The following MEFV variants were observed in gnomAD, a reference collection of about 807,000 sequenced individuals.
The protein encoded by MEFV is pyrin.
A neutral mutation model predicts 62.5 loss-of-function variants in MEFV; 60 were observed. The observed-to-expected ratio is 0.96, with a 90% CI of 0.78 to 1.19. MEFV has a LOEUF of 1.19. Ranked by LOEUF, MEFV falls within the 50% of genes most tolerant of loss-of-function variation. The pLI, the probability that MEFV is intolerant of heterozygous loss-of-function variation, is 0.00. For synonymous variants in MEFV, 500 were observed against 415.2 expected (o/e 1.20, Z -2.48); for missense variants, 1,169 against 1,004.5 (o/e 1.16, Z -2.21).
Position 3,249,840 on chromosome 16 carries a change from T to C in MEFV, c.911-60A>G. 3 of 1,380,692 alleles carry C rather than the reference T, an allele frequency of 2.2e-6. No homozygotes were observed. The Admixed American group carries it at 5.6e-5, about 26-fold the overall frequency. The allele number at this position is 1,380,692 out of a possible 1,614,324, so 85.5% of individuals were successfully genotyped here. A position where few individuals can be genotyped will look rare whatever the true frequency, so the allele number is the denominator to read the frequency against. On this transcript the variant is annotated intron_variant, in intron 2 of 9. Coordinates refer to ENST00000219596, the MANE Select transcript of MEFV (RefSeq NM_000243.3). Reference sequence around the variant, plus strand: ...CAAACCCAAGTTGCTTACACAGAGGTATCACAAAGCACAGCGGACACAGCC... The same window carrying C: ...CAAACCCAAGTTGCTTACACAGAGGCATCACAAAGCACAGCGGACACAGCC...
chr16:3,246,478 T>A (rs56260135), intron 6 of MEFV, 47 bp downstream of exon 6: 1 of 1,612,548 alleles, frequency 6.2e-7, no homozygotes, highest in Admixed American at 1.7e-5. Context: ...CTCCCCCATA[T>A]GCTTTCTGCA....
rs1959117312 is a variant in MEFV at position 3,256,462 on chromosome 16, C to G, written c.126G>C (p.Arg42=). 1 of 1,614,088 alleles carries G rather than the reference C, an allele frequency of 6.2e-7. No individual in the cohort carries two copies. ...CCGGCCTGGCTCTCTGGATCTGGCT[C>G]CGGGGGATCCTGGAGTGCTCCTTCT... ...SVQKEHSRIP[R]SQIQRARPVK... is the part of the protein sequence containing the mutation. The change falls in exon 1 of 10, where the codon CGG becomes CGC. Residue 42 remains arginine (R), a synonymous_variant. Transcript: ENST00000219596.
Position 3,254,586 on chromosome 16 carries a change from C to T in MEFV, c.482G>A (p.Arg161His), listed in dbSNP as rs374425680. The T allele has an allele frequency of 6.3e-7, 1 of 1,591,452 alleles. No individual in the cohort carries two copies. Among genetic ancestry groups the T allele is most frequent in the Non-Finnish European group, 8.5e-7 (1 of 1,172,290 alleles). Residue 161 changes from arginine (R) to histidine (H), a missense_variant, in exon 2 of 10, where the codon CGC becomes CAC. Physicochemically the swap from Arg to His is conservative, Grantham distance 29 (BLOSUM62 0). Coordinates refer to ENST00000219596, the MANE Select transcript of MEFV (RefSeq NM_000243.3). ...RGLSRKPLSKRREKASEGLDA... is the reference protein window; with the variant it reads ...RGLSRKPLSKHREKASEGLDA... ...CAGGCCCTCCGAGGCCTTCTCTCTG[C>T]GTTTGCTCAGGGGCTTCCTCGACAG... is the stretch of plus-strand genomic sequence containing the variant.
chr16:3,249,645 G>A lies in MEFV; in HGVS notation c.1046C>T (p.Ser349Leu), dbSNP rs983750259. Residue 349 changes from serine (S) to leucine (L), a missense_variant, in exon 3 of 10, where the codon TCA becomes TTA. Coordinates refer to ENST00000219596, the MANE Select transcript of MEFV (RefSeq NM_000243.3). ...GTCCTGGCACCGGGGGCAGCCAGGT[G>A]AGCGGCTGCCTGAGGCCTGGGGGTG... is the stretch of plus-strand genomic sequence containing the variant. ...SGHPQASGSR[S>L]PGCPRCQDSH... 3 of 1,613,810 alleles carry A rather than the reference G, an allele frequency of 1.9e-6. No individual in the cohort carries two copies. The highest frequency in any genetic ancestry group is 1.7e-6 in the Non-Finnish European group (2 of 1,179,852).
chr16:3,251,023 CAAAAAAAAAAAAA>C (rs58529756), intron 2 of MEFV, among the ~76,000 whole-genome samples: 1 of 49,408 alleles, frequency 2.0e-5, no homozygotes. Context: ...GACTCCATCT[CAAAAAAAAAAAAA>C]AAAAAAAAAA....
In MEFV at chr16:3,247,363, C is replaced by T. The variant is rs182874359; in HGVS notation, c.1357-117G>A. On this transcript the variant is annotated intron_variant, in intron 4 of 9. Transcript: ENST00000219596. ...GATAAGAGGTGGGCTTATGCTGCCTCTTCAAGGCCTAGATTCCAGAGCAGG... is the reference window on the plus strand; with the variant it reads ...GATAAGAGGTGGGCTTATGCTGCCTTTTCAAGGCCTAGATTCCAGAGCAGG... 71 of 776,834 alleles carry T rather than the reference C, an allele frequency of 9.1e-5. No individual in the cohort carries two copies. In the African/African-American group the frequency reaches 1.1e-3, roughly 12 times the overall value. 48.1% of individuals were successfully genotyped at this position (776,834 alleles called of 1,614,324 possible). A position where few individuals can be genotyped will look rare whatever the true frequency, so the allele number is the denominator to read the frequency against.
rs1423281684 is a variant in MEFV, at chr16:3,256,504, C to T, written c.84G>A (p.Leu28=). 1.9e-6 allele frequency: 3 copies of T among 1,614,204 alleles called. No individual in the cohort carries two copies. Among genetic ancestry groups the T allele is most frequent in the Non-Finnish European group, 1.7e-6 (2 of 1,180,046 alleles). The change falls in exon 1 of 10, where the codon CTG becomes CTA. Residue 28 remains leucine, a synonymous_variant. Transcript: ENST00000219596. ...GCTCCTTCTGCACACTGGTGTTCTG[C>T]AGCTTGAACTTGAACTTCTCGAAGT... ...PYDFEKFKFK[L]QNTSVQKEHS...
chr16:3,244,012 A>G (rs1958901861), intron 8 of MEFV, 120 bp from the exon 9 acceptor site: 1 of 1,558,154 alleles, frequency 6.4e-7, no homozygotes, highest in South Asian at 1.2e-5. Flanking sequence ...CCTGCATGCT[A>G]TGTTGGGTAT....
intron 6 of MEFV, 197 bp downstream of exon 6, chr16:3,246,328 G>C: frequency 1.6e-6 from 1 of 627,760 alleles, no homozygotes; most frequent in Non-Finnish European, 2.8e-6. Context: ...TCCATACCCG[G>C]CCAGCCTCCC....
intron 5 of MEFV, 120 bp downstream of exon 5, chr16:3,246,896 C>T (rs769199908): frequency 5.1e-6 from 5 of 988,480 alleles, no homozygotes; most frequent in Non-Finnish European, 6.4e-6. Context: ...AGACCAAGTC[C>T]TATCCTAGGC....
At chr16:3,247,994 C>T (rs1313400924) in intron 4 of MEFV, 1 of 150,242 alleles carries the variant, frequency 6.7e-6, no homozygotes, top group Non-Finnish European at 1.5e-5. Flanking sequence ...CACGATGGCT[C>T]ACACCTGTAA....
rs1958891502 is a variant in MEFV at position 3,243,487 on chromosome 16, A to G, written c.2000T>C (p.Leu667Pro). 1 of 1,614,082 alleles carries G rather than the reference A, an allele frequency of 6.2e-7. No individual in the cohort carries two copies. Among genetic ancestry groups the G allele is most frequent in the Non-Finnish European group, 8.5e-7 (1 of 1,180,024 alleles). ...VEVGDKTAWILGACKTSISRK... is the reference protein window; with the variant it reads ...VEVGDKTAWIPGACKTSISRK... ...GCTTATGGATGTCTTGCAGGCTCCC[A>G]GGATCCATGCTGTCTTGTCTCCAAC... Residue 667 changes from leucine (L) to proline (P), a missense_variant, in exon 10 of 10, where the codon CTG (leucine) becomes CCG (proline). Transcript: ENST00000219596.
Position 3,256,338 on chromosome 16 carries a change from C to G in MEFV, c.250G>C (p.Glu84Gln), listed in dbSNP as rs150819742. 2.2e-5 allele frequency: 35 copies of G among 1,613,808 alleles called. No homozygotes were observed. The highest frequency in any genetic ancestry group is 2.7e-5 in the Non-Finnish European group (32 of 1,180,002). ...TGAATGGCTGCCCTGTGGAGCTCCT[C>G]GGCCAGCAGGCGCTGGTTGATGGCC... Reference protein sequence around the residue: ...LRAINQRLLAEELHRAAIQEY... With the variant: ...LRAINQRLLAQELHRAAIQEY... Residue 84 changes from glutamate to glutamine, a missense_variant, in exon 1 of 10, where the codon GAG (glutamate) becomes CAG (glutamine). Coordinates refer to ENST00000219596, the MANE Select transcript of MEFV (RefSeq NM_000243.3).
chr16:3,243,246 A>G lies in MEFV; in HGVS notation c.2241T>C (p.Ser747=). ...AGATAGGTTGAAGGGGCCCAGAGAA[A>G]GAGCAGCTGGCGAATGTATAGATGT... The part of the protein sequence containing the change: ...RSHIYTFASC[S]FSGPLQPIFS... Residue 747 remains serine, a synonymous_variant, in exon 10 of 10, where the codon TCT becomes TCC. Coordinates refer to ENST00000219596, the MANE Select transcript of MEFV (RefSeq NM_000243.3). The G allele has an allele frequency of 2.5e-6, 4 of 1,614,220 alleles. No homozygotes were observed. Among genetic ancestry groups the G allele is most frequent in the Non-Finnish European group, 3.4e-6 (4 of 1,180,040 alleles).
At chr16:3,244,735 T>C in intron 6 of MEFV, 147 bp from the exon 7 acceptor site, 1 of 718,126 alleles carries the variant, frequency 1.4e-6, no homozygotes, top group Non-Finnish European at 2.5e-6. Context: ...GATTCAGAGG[T>C]CTAAATGCTG....
Position 3,247,244 on chromosome 16 carries a change from T to C in MEFV, c.1359A>G (p.Lys453=), listed in dbSNP as rs763499852. The change falls in exon 5 of 10, where the codon AAA becomes AAG. Residue 453 remains lysine, a splice_region_variant and synonymous_variant. Transcript: ENST00000219596. Reference sequence around the variant, plus strand: ...CCCGCTGCTTCAGCGCTTCAGTTTGTTTCTGGGGAGCAGAGGACAGGGAGG... The same window carrying C: ...CCCGCTGCTTCAGCGCTTCAGTTTGCTTCTGGGGAGCAGAGGACAGGGAGG... ...YGEEKAVSFL[K]QTEALKQRVQ... The C allele has an allele frequency of 6.2e-7, 1 of 1,614,046 alleles. No homozygotes were observed. The highest frequency in any genetic ancestry group is 8.5e-7 in the Non-Finnish European group (1 of 1,180,006).
At chr16:3,255,356 A>C (rs1959101730) in intron 1 of MEFV, among the ~76,000 whole-genome samples, 1 of 152,162 alleles carries the variant, frequency 6.6e-6, no homozygotes, top group Non-Finnish European at 1.5e-5. Flanking sequence ...AGACAATGGC[A>C]GTCAATTACC....
chr16:3,253,987 A>G (rs113758468), intron 2 of MEFV, among the ~76,000 whole-genome samples, 171 bp downstream of exon 2: 7 of 152,180 alleles, frequency 4.6e-5, no homozygotes, highest in African/African-American at 1.2e-4. Flanking sequence ...TTTCGTTTAT[A>G]GAGATGGCGG....
chr16:3,255,733 T>C (rs1959107473), intron 1 of MEFV, among the ~76,000 whole-genome samples: 1 of 152,094 alleles, frequency 6.6e-6, no homozygotes, highest in Non-Finnish European at 1.5e-5. Context: ...ATAGTACTTT[T>C]CAAACGTTTT....
Sources: allele counts gnomAD v4.1 joint callset (sites outside exome capture counted in the v4.1 genomes callset), GRCh38; gene constraint gnomAD v4.1.1; transcripts MANE v1.5; gene names NCBI Gene and HGNC (gene_info 2026-07-23, HGNC 2026-07-21).